ENAH: variants seen among roughly 807,000 people sequenced by gnomAD.
ENAH encodes the protein ENAH actin regulator, also known as protein enabled homolog.
ENAH carries 23 observed loss-of-function variants against 78.7 expected under a neutral mutation model. The observed-to-expected ratio is 0.29, with a 90% CI of 0.21 to 0.41. The LOEUF (loss-of-function observed/expected upper bound fraction) is 0.41, where lower values mean the gene tolerates loss of function less well. Among genes scored for constraint, ENAH ranks in the 10% least tolerant of loss-of-function variants. The pLI is 1.00. For synonymous variants in ENAH, 226 were observed against 241.0 expected, an observed-to-expected ratio of 0.94 and a Z score of 0.58; for missense variants, 544 against 691.0, an observed-to-expected ratio of 0.79 and a Z score of 2.39.
chr1:225,642,991 T>C (rs980053024), intron 1 of ENAH, among the ~76,000 whole-genome samples: 1 of 152,218 alleles, frequency 6.6e-6, no homozygotes, highest in African/African-American at 2.4e-5. Context: ...TACTCTTGCT[T>C]ATCTGGTAAC....
intron 7 of ENAH, among the ~76,000 whole-genome samples, chr1:225,513,670 T>C (rs2096394123): frequency 1.3e-5 from 2 of 152,192 alleles, no homozygotes; most frequent in Non-Finnish European, 1.5e-5. Flanking sequence ...CTTGTGTCTC[T>C]GAGTTACTCT....
chr1:225,615,742 C>G (rs1487837204), intron 1 of ENAH, among the ~76,000 whole-genome samples: 1 of 151,456 alleles, frequency 6.6e-6, no homozygotes, highest in East Asian at 1.9e-4. Context: ...GCCACCCCGT[C>G]TGGGAGGTGA....
intron 1 of ENAH, among the ~76,000 whole-genome samples, chr1:225,645,840 A>G (rs1482347010): frequency 6.6e-6 from 1 of 152,232 alleles, no homozygotes; most frequent in Admixed American, 6.5e-5. Context: ...ATGTCAAACT[A>G]GAGTCAAACC....
intron 11 of ENAH, among the ~76,000 whole-genome samples, chr1:225,502,328 C>G (rs141443284): frequency 0.043 from 6,516 of 152,134 alleles, 223 homozygotes; most frequent in South Asian, 0.11. Context: ...TTTCCTGCCT[C>G]AGCCTCTGGA....
chr1:225,617,274 T>G (rs1298667134), intron 1 of ENAH, among the ~76,000 whole-genome samples: 1 of 152,162 alleles, frequency 6.6e-6, no homozygotes, highest in Non-Finnish European at 1.5e-5. Flanking sequence ...AAAAGTGAAT[T>G]TAAATTCTAT....
intron 1 of ENAH, among the ~76,000 whole-genome samples, chr1:225,570,261 G>A (rs192213632): frequency 5.7e-4 from 86 of 151,890 alleles, no homozygotes; most frequent in African/African-American, 1.9e-3. Flanking sequence ...AGGGTTTAGC[G>A]ACAAATGCAA....
intron 3 of ENAH, among the ~76,000 whole-genome samples, chr1:225,549,517 G>A (rs2096631435): frequency 6.6e-6 from 1 of 152,124 alleles, no homozygotes; most frequent in South Asian, 2.1e-4. Context: ...TAAGACCTCG[G>A]TACAAAAGCC....
At chr1:225,520,777 G>A (rs2096460554) in intron 4 of ENAH, among the ~76,000 whole-genome samples, 1 of 152,036 alleles carries the variant, frequency 6.6e-6, no homozygotes, top group African/African-American at 2.4e-5. Flanking sequence ...GATTGCTTGG[G>A]CCTAGGAGTC....
intron 1 of ENAH, among the ~76,000 whole-genome samples, chr1:225,630,944 A>G (rs1191412138): frequency 6.6e-6 from 1 of 152,240 alleles, no homozygotes; most frequent in Non-Finnish European, 1.5e-5. Flanking sequence ...AAACAGATCT[A>G]TAAACCCTTT....
chr1:225,501,118 T>A (rs1200408241), intron 11 of ENAH, 48 bp from the exon 12 acceptor site: 1 of 1,424,670 alleles, frequency 7.0e-7, no homozygotes. Context: ...TCTTAATACT[T>A]AATGAGTTCA....
At position 225,496,589 on chromosome 1, in the gene ENAH, G is replaced by A. The variant is rs569736824; in HGVS notation, c.*1186C>T. 7 of 152,764 alleles carry A rather than the reference G, an allele frequency of 4.6e-5. No individual in the cohort carries two copies. Among genetic ancestry groups the A allele is most frequent in the African/African-American group, 1.7e-4 (7 of 41,574 alleles). The allele number at this position is 152,764 out of a possible 1,614,324, so 9.5% of individuals were successfully genotyped here. ...TCAAACTTTTGAGTTCCACAGTTAAGATATTATGTGAAGCTCAGAATCATG... is the reference window on the plus strand; with the variant it reads ...TCAAACTTTTGAGTTCCACAGTTAAAATATTATGTGAAGCTCAGAATCATG... On this transcript the variant is annotated 3_prime_UTR_variant, in exon 14 of 14. Coordinates refer to ENST00000366843, the MANE Select transcript of ENAH (RefSeq NM_018212.6).
chr1:225,493,495 G>A lies in ENAH; in HGVS notation c.*4280C>T, dbSNP rs1053879760. 6.6e-5 allele frequency: 10 copies of A among 152,220 alleles called. No homozygotes were observed. In the South Asian group the frequency reaches 2.1e-3, roughly 32 times the overall value. The allele number at this position is 152,220 out of a possible 1,614,324, so 9.4% of individuals were successfully genotyped here. Reference sequence around the variant, plus strand: ...AAATGGCTTTTAGTGAAAAGGCAGAGGTATTAAACATCAGTAATTTCAATA... The same window carrying A: ...AAATGGCTTTTAGTGAAAAGGCAGAAGTATTAAACATCAGTAATTTCAATA... On this transcript the variant is annotated 3_prime_UTR_variant, in exon 14 of 14. Transcript: ENST00000366843.
chr1:225,594,646 C>G (rs1405053343), intron 1 of ENAH, among the ~76,000 whole-genome samples: 1 of 152,184 alleles, frequency 6.6e-6, no homozygotes, highest in African/African-American at 2.4e-5. Flanking sequence ...ATATTAATAT[C>G]TGAAGCATAT....
At chr1:225,593,130 A>G (rs952680651) in intron 1 of ENAH, among the ~76,000 whole-genome samples, 1 of 152,148 alleles carries the variant, frequency 6.6e-6, no homozygotes, top group African/African-American at 2.4e-5. Context: ...GAAAAGATTG[A>G]TAAGAGATGG....
intron 3 of ENAH, among the ~76,000 whole-genome samples, chr1:225,547,923 C>T (rs2096622573): frequency 1.3e-5 from 2 of 152,130 alleles, no homozygotes; most frequent in South Asian, 4.1e-4. Context: ...ACACCCAATA[C>T]AGTATGTTAT....
At chr1:225,572,927 G>C (rs2096770552) in intron 1 of ENAH, among the ~76,000 whole-genome samples, 1 of 152,186 alleles carries the variant, frequency 6.6e-6, no homozygotes, top group South Asian at 2.1e-4. Context: ...GCTAGAGATA[G>C]CTGGTTTAAA....
chr1:225,507,185 A>G (rs570720701), intron 11 of ENAH, among the ~76,000 whole-genome samples: 1 of 152,244 alleles, frequency 6.6e-6, no homozygotes, highest in African/African-American at 2.4e-5. Flanking sequence ...GTTTCTGGAT[A>G]CTATCTTTTC....
intron 1 of ENAH, among the ~76,000 whole-genome samples, chr1:225,595,213 A>T (rs1481648406): frequency 6.6e-6 from 1 of 152,038 alleles, no homozygotes; most frequent in Admixed American, 6.6e-5. Flanking sequence ...CGCACCTGTG[A>T]TCCCAGCTAC....
At chr1:225,641,650 G>A (rs1456514209) in intron 1 of ENAH, among the ~76,000 whole-genome samples, 3 of 152,052 alleles carry the variant, frequency 2.0e-5, no homozygotes, top group Non-Finnish European at 4.4e-5. Flanking sequence ...ACTTTAGGAG[G>A]CTGAGGCGGG....
Sources: allele counts gnomAD v4.1 joint callset (sites outside exome capture counted in the v4.1 genomes callset), GRCh38; gene constraint gnomAD v4.1.1; transcripts MANE v1.5; gene names NCBI Gene and HGNC (gene_info 2026-07-23, HGNC 2026-07-21).